The following MSTO1 variants were observed in gnomAD, a reference collection of about 807,000 sequenced individuals.
MSTO1 encodes the protein misato mitochondrial distribution and morphology regulator 1.
A neutral mutation model predicts 55.7 loss-of-function variants in MSTO1; 24 were observed. That is an observed-to-expected ratio of 0.43 (90% CI 0.31 to 0.61). The LOEUF (loss-of-function observed/expected upper bound fraction) is 0.61. Among genes scored for constraint, MSTO1 ranks in the 20% least tolerant of loss-of-function variants. The probability of loss-of-function intolerance (pLI) is 0.09; values close to 1 mark genes in which losing one functional copy is unlikely to be tolerated. For synonymous variants in MSTO1, 162 were observed against 252.8 expected (o/e 0.64, Z 3.41); for missense variants, 363 against 625.7 (o/e 0.58, Z 4.48).
At chr1:155,582,171 G>T in the MSTO1 span, among the ~76,000 whole-genome samples, 1 of 151,502 alleles carries the variant, frequency 6.6e-6, no homozygotes, top group Non-Finnish European at 1.5e-5. Flanking sequence ...GATTACAGGC[G>T]TGAGCCACCA....
chr1:155,594,740 C>A, the MSTO1 span, among the ~76,000 whole-genome samples: 6 of 152,082 alleles, frequency 3.9e-5, no homozygotes, highest in African/African-American at 1.4e-4. Context: ...AGTGGACCAC[C>A]ACACCTGGCT....
the MSTO1 span, among the ~76,000 whole-genome samples, chr1:155,576,115 C>T: frequency 6.6e-6 from 1 of 152,080 alleles, no homozygotes; most frequent in Non-Finnish European, 1.5e-5. Context: ...AGCCACCCCG[C>T]CAGGCCCCCC....
chr1:155,591,285 T>C, the MSTO1 span: 8 of 1,543,566 alleles, frequency 5.2e-6, no homozygotes. Flanking sequence ...GGAGCTGCAC[T>C]GCGAAGGAGA....
rs776826330 is a variant in MSTO1, at chr1:155,612,073, C to G, written c.651C>G (p.Phe217Leu). ...AAGAGCTGGAGGACAGGCTGCATTT[C>G]TACGTGGAGGAATGTGACTACTTGC... ...YQEELEDRLH[F>L]YVEECDYLQG... Residue 217 changes from phenylalanine to leucine, a missense_variant, in exon 7 of 14, where the codon TTC (phenylalanine) becomes TTG (leucine). By Grantham distance (22) the Phe-to-Leu change is conservative. Coordinates refer to ENST00000245564, the MANE Select transcript of MSTO1 (RefSeq NM_018116.4). 162 of 1,609,812 alleles carry G rather than the reference C, an allele frequency of 1.0e-4. No homozygotes were observed. The highest frequency in any genetic ancestry group is 1.3e-4 in the Non-Finnish European group (154 of 1,178,954).
chr1:155,590,716 C>T, the MSTO1 span: 379 of 1,569,896 alleles, frequency 2.4e-4, 2 homozygotes, highest in African/African-American at 4.6e-3. Flanking sequence ...GGGGCAAGTG[C>T]AGCACAGCAG....
chr1:155,567,343 G>A, the MSTO1 span, among the ~76,000 whole-genome samples: 1 of 137,092 alleles, frequency 7.3e-6, no homozygotes, highest in Non-Finnish European at 1.5e-5. Context: ...ACGGAGTCTC[G>A]TTCTGTCGCC....
the MSTO1 span, among the ~76,000 whole-genome samples, chr1:155,600,532 T>G: frequency 1.4e-4 from 21 of 152,166 alleles, no homozygotes; most frequent in African/African-American, 4.8e-4. Context: ...TGTTAAATAT[T>G]GTGTGCATCC....
At chr1:155,565,113 T>G in the MSTO1 span, among the ~76,000 whole-genome samples, 6 of 151,206 alleles carry the variant, frequency 4.0e-5, no homozygotes, top group Admixed American at 3.3e-4. Flanking sequence ...AGTGCGAGAC[T>G]TTGTCTTAAA....
In MSTO1 at chr1:155,610,495, G is replaced by C. The variant is rs1558256229; in HGVS notation, c.155G>C (p.Arg52Pro). Reference sequence around the variant, plus strand: ...GAGCTGTGCCCCGACGTCCTGTATCGTACGGGCCGGACGCTGCACGGCCAG... The same window carrying C: ...GAGCTGTGCCCCGACGTCCTGTATCCTACGGGCCGGACGCTGCACGGCCAG... ...PGELCPDVLYRTGRTLHGQET... is the reference protein window; with the variant it reads ...PGELCPDVLYPTGRTLHGQET... Residue 52 changes from arginine (R) to proline (P), a missense_variant, in exon 2 of 14, where the codon CGT (arginine) becomes CCT (proline). Coordinates refer to ENST00000245564, the MANE Select transcript of MSTO1 (RefSeq NM_018116.4). 2.4e-6 allele frequency: 2 copies of C among 839,694 alleles called. No individual in the cohort carries two copies. The highest frequency in any genetic ancestry group is 3.7e-6 in the Non-Finnish European group (2 of 544,120). The allele number at this position is 839,694 out of a possible 1,614,324, so 52.0% of individuals were successfully genotyped here. A position where few individuals can be genotyped will look rare whatever the true frequency, so the allele number is the denominator to read the frequency against.
chr1:155,568,642 G>A, the MSTO1 span, among the ~76,000 whole-genome samples: 2 of 146,454 alleles, frequency 1.4e-5, no homozygotes, highest in Admixed American at 1.4e-4. Context: ...ATTTCACTAT[G>A]TTGGCCAGGC....
the MSTO1 span, among the ~76,000 whole-genome samples, chr1:155,591,717 G>A: frequency 9.9e-5 from 15 of 152,060 alleles, no homozygotes; most frequent in South Asian, 3.1e-3. Flanking sequence ...TTGAACCCGG[G>A]AGGCAGAGGT....
At chr1:155,610,134 T>C, upstream of MSTO1, 2 of 979,766 alleles carry the variant, frequency 2.0e-6, no homozygotes, top group East Asian at 2.5e-5. Flanking sequence ...AAAGGATGTG[T>C]TTGCGGGCCA....
the MSTO1 span, chr1:155,591,038 C>T: frequency 3.1e-6 from 5 of 1,613,832 alleles, no homozygotes; most frequent in Non-Finnish European, 4.2e-6. Context: ...GCCTGCAGGT[C>T]CTGTGGCAGC....
chr1:155,563,653 G>A, the MSTO1 span: 2 of 451,700 alleles, frequency 4.4e-6, no homozygotes, highest in Non-Finnish European at 4.5e-6. Flanking sequence ...GAAACCATGT[G>A]CTTTTCATTC....
the MSTO1 span, among the ~76,000 whole-genome samples, chr1:155,582,036 A>G: frequency 6.7e-6 from 1 of 150,370 alleles, no homozygotes; most frequent in East Asian, 2.0e-4. Flanking sequence ...GCTCACCGCA[A>G]CCTCCACCTC....
chr1:155,576,099 G>A, the MSTO1 span, among the ~76,000 whole-genome samples: 2 of 152,096 alleles, frequency 1.3e-5, no homozygotes, highest in African/African-American at 4.8e-5. Context: ...TGGGATTACA[G>A]GTGTGAGCCA....
At chr1:155,601,556 T>A in the MSTO1 span, among the ~76,000 whole-genome samples, 1 of 151,820 alleles carries the variant, frequency 6.6e-6, no homozygotes, top group Non-Finnish European at 1.5e-5. Flanking sequence ...AGCCTAGAAG[T>A]TCAAGGTTAC....
chr1:155,590,295 C>T, the MSTO1 span, among the ~76,000 whole-genome samples: 1 of 152,044 alleles, frequency 6.6e-6, no homozygotes, highest in East Asian at 1.9e-4. Flanking sequence ...GTTGCAAAGG[C>T]CAGCACAGCA....
the MSTO1 span, among the ~76,000 whole-genome samples, chr1:155,604,747 C>T: frequency 2.2e-4 from 34 of 152,092 alleles, no homozygotes; most frequent in Admixed American, 7.9e-4. Flanking sequence ...TGATGGTGCA[C>T]GCCTGTAGTC....
Sources: allele counts gnomAD v4.1 joint callset (sites outside exome capture counted in the v4.1 genomes callset), GRCh38; gene constraint gnomAD v4.1.1; transcripts MANE v1.5; gene names NCBI Gene and HGNC (gene_info 2026-07-23, HGNC 2026-07-21).